The following EPS15L1 variants were observed in gnomAD, a reference collection of about 807,000 sequenced individuals.
EPS15L1 encodes epidermal growth factor receptor substrate 15-like 1.
In EPS15L1, 43 loss-of-function variants were observed where a neutral mutation model predicts 117.1. That is an observed-to-expected ratio of 0.37 (90% confidence interval 0.29 to 0.47). The LOEUF (loss-of-function observed/expected upper bound fraction) is 0.47. Among genes scored for constraint, EPS15L1 ranks in the 20% least tolerant of loss-of-function variants. The pLI is 0.99. For synonymous variants in EPS15L1, 459 were observed against 470.5 expected, an observed-to-expected ratio of 0.98 and a Z score of 0.32; for missense variants, 981 against 1,164.0, an observed-to-expected ratio of 0.84 and a Z score of 2.29.
chr19:16,464,773 T>C (rs1315906800), intron 1 of EPS15L1, among the ~76,000 whole-genome samples: 1 of 82,988 alleles, frequency 1.2e-5, no homozygotes, highest in Non-Finnish European at 2.7e-5. Flanking sequence ...CTAACACTAA[T>C]GATAGCTGAT....
rs912971908 is a variant in EPS15L1, at chr19:16,370,094, G to A, written c.2380+7028C>T. Among the ~76,000 whole-genome samples the A allele has an allele frequency of 2.6e-5, 4 of 152,152 alleles. No homozygotes were observed. The highest frequency in any genetic ancestry group is 7.2e-5 in the African/African-American group (3 of 41,434). Reference sequence around the variant, plus strand: ...CGAGTCTGAAAGCTGGTTAGGGGTCGTGCATGAAAGGACCCAAAAGAGCCC... The same window carrying A: ...CGAGTCTGAAAGCTGGTTAGGGGTCATGCATGAAAGGACCCAAAAGAGCCC... On this transcript the variant is annotated intron_variant, in intron 22 of 23. Transcript: ENST00000455140. The surrounding 1 kb of genome is among the most constrained non-coding windows in gnomAD (Gnocchi z 5.2).
chr19:16,441,165 T>C (rs1043578313), intron 3 of EPS15L1: 4 of 524,134 alleles, frequency 7.6e-6, no homozygotes, highest in Non-Finnish European at 1.4e-5. Flanking sequence ...GACACCCTTC[T>C]TCCCCCAACT....
chr19:16,356,031 C>A (rs1201466482), intron 23 of EPS15L1, among the ~76,000 whole-genome samples, 180 bp from the exon 24 acceptor site: 1 of 152,222 alleles, frequency 6.6e-6, no homozygotes, highest in Non-Finnish European at 1.5e-5. Flanking sequence ...CTGTCTCAGG[C>A]CCCCCATCTG....
intron 10 of EPS15L1, among the ~76,000 whole-genome samples, 191 bp from the exon 11 acceptor site, chr19:16,418,295 G>A (rs763768683): frequency 3.9e-5 from 6 of 152,094 alleles, no homozygotes; most frequent in Non-Finnish European, 5.9e-5. Flanking sequence ...CGCTCCCAGT[G>A]TCCCCCACCC....
rs1055587219 is a variant in EPS15L1 at position 16,415,195 on chromosome 19, C to T, written c.1194-1350G>A. ...TTGCTCCTTTTGCCCTGTGAGGACA[C>T]GGCAAGAAGGTGACTCTCCAGGAAT... is the stretch of plus-strand genomic sequence containing the variant. On this transcript the variant is annotated intron_variant, in intron 12 of 23. Transcript: ENST00000455140. 3.9e-5 allele frequency among the ~76,000 whole-genome samples: 6 copies of T among 152,110 alleles called. No homozygotes were observed. The East Asian group carries it at 5.8e-4, about 15-fold the overall frequency.
At chr19:16,448,967 AAAC>A (rs1349578404) in intron 1 of EPS15L1, among the ~76,000 whole-genome samples, 1 of 152,068 alleles carries the variant, frequency 6.6e-6, no homozygotes, top group Non-Finnish European at 1.5e-5. Context: ...ATAAAAAAGA[AAAC>A]AATCAAATTA....
chr19:16,462,434 G>A (rs2093262125), intron 1 of EPS15L1, among the ~76,000 whole-genome samples: 1 of 152,292 alleles, frequency 6.6e-6, no homozygotes, highest in South Asian at 2.1e-4. Context: ...GCCAAGGTGG[G>A]TGGATCACTA....
chr19:16,448,620 G>A (rs1415891850), intron 1 of EPS15L1, among the ~76,000 whole-genome samples: 3 of 151,930 alleles, frequency 2.0e-5, no homozygotes, highest in African/African-American at 4.8e-5. Context: ...AAGGTAGGCG[G>A]ATCACCTGGG....
rs1444884781 is a variant in EPS15L1, at chr19:16,425,288, TC to T, written c.586del (p.Glu196ArgfsTer72). ...CAGGGCGGAGGGCACGGGCTCCTTCTCCAGGGCTCGGTACACCAAGTGCATG... is the reference window on the plus strand; with the variant it reads ...CAGGGCGGAGGGCACGGGCTCCTTCTCAGGGCTCGGTACACCAAGTGCATG... ...VAMHLVYRAL[E>X]KEPVPSALPP... is the part of the protein sequence containing the mutation. On this transcript the variant is annotated frameshift_variant, in exon 9 of 24. Transcript: ENST00000455140. LOFTEE classifies it high-confidence loss of function. The T allele has an allele frequency of 6.2e-7, 1 of 1,604,448 alleles. No homozygotes were observed. Among genetic ancestry groups the T allele is most frequent in the Non-Finnish European group, 8.5e-7 (1 of 1,175,184 alleles).
chr19:16,434,187 C>G (rs2092956719), intron 7 of EPS15L1, among the ~76,000 whole-genome samples, 178 bp downstream of exon 7: 1 of 152,148 alleles, frequency 6.6e-6, no homozygotes, highest in African/African-American at 2.4e-5. Flanking sequence ...GTAAGCCACA[C>G]CCTAGGAAGC....
At chr19:16,431,164 G>A (rs2092923677) in intron 7 of EPS15L1, among the ~76,000 whole-genome samples, 1 of 151,758 alleles carries the variant, frequency 6.6e-6, no homozygotes. Context: ...GCTCGAACCA[G>A]GGAGGCGGAG....
At chr19:16,447,709 G>A (rs181469714) in intron 1 of EPS15L1, among the ~76,000 whole-genome samples, 48 of 151,202 alleles carry the variant, frequency 3.2e-4, no homozygotes, top group African/African-American at 1.1e-3. Context: ...GCAGTGAGCC[G>A]AGATCATACC....
At chr19:16,366,875 C>T (rs568968913) in intron 22 of EPS15L1, among the ~76,000 whole-genome samples, 1 of 152,270 alleles carries the variant, frequency 6.6e-6, no homozygotes, top group East Asian at 1.9e-4. Flanking sequence ...TTTTTCAAAC[C>T]TTCTAGGTCT....
intron 1 of EPS15L1, among the ~76,000 whole-genome samples, chr19:16,467,868 T>C (rs2093317753): frequency 6.6e-6 from 1 of 152,200 alleles, no homozygotes; most frequent in Non-Finnish European, 1.5e-5. Context: ...CCACCAACTA[T>C]GAGACTTCAG....
chr19:16,439,219 G>A (rs2093006526), intron 4 of EPS15L1, among the ~76,000 whole-genome samples: 1 of 152,102 alleles, frequency 6.6e-6, no homozygotes, highest in Non-Finnish European at 1.5e-5. Context: ...CCCTTGCAGA[G>A]TGTAGAGGAT....
intron 22 of EPS15L1, 56 bp downstream of exon 22, chr19:16,377,066 T>TC (rs1371589193): frequency 2.6e-6 from 4 of 1,541,150 alleles, no homozygotes; most frequent in Non-Finnish European, 3.5e-6. Flanking sequence ...GAGGCCCTGG[T>TC]CCCCCGCCAT....
At chr19:16,362,952 G>T (rs968375646) in intron 22 of EPS15L1, among the ~76,000 whole-genome samples, 1 of 152,188 alleles carries the variant, frequency 6.6e-6, no homozygotes, top group Non-Finnish European at 1.5e-5. Flanking sequence ...TGACAGGGAG[G>T]TGAGAGAGAA....
intron 11 of EPS15L1, 60 bp downstream of exon 11, chr19:16,417,888 C>T: frequency 6.4e-7 from 1 of 1,568,082 alleles, no homozygotes; most frequent in Non-Finnish European, 8.6e-7. Context: ...CCAGTGCCAC[C>T]TGGTGGCAGG....
Position 16,437,849 on chromosome 19 carries a change from A to G in EPS15L1, c.230T>C (p.Leu77Pro). 1 of 1,613,976 alleles carries G rather than the reference A, an allele frequency of 6.2e-7. No homozygotes were observed. Among genetic ancestry groups the G allele is most frequent in the Non-Finnish European group, 8.5e-7 (1 of 1,179,856 alleles). ...FLDKQGFYVA[L>P]RLVACAQSGH... is the part of the protein sequence containing the mutation. ...ACTCTGTGCACAGGCCACCAGTCTC[A>G]GTGCAACATAGAAACCCTGCAAGTC... Residue 77 changes from leucine to proline, a missense_variant, in exon 5 of 24, where the codon CTG (leucine) becomes CCG (proline). Physicochemically the swap from Leu to Pro is moderately conservative, Grantham distance 98 (BLOSUM62 -3). Transcript: ENST00000455140.
Sources: allele counts gnomAD v4.1 joint callset (sites outside exome capture counted in the v4.1 genomes callset), GRCh38; gene constraint gnomAD v4.1.1; non-coding constraint Gnocchi (gnomAD v3.1); transcripts MANE v1.5; gene names NCBI Gene and HGNC (gene_info 2026-07-23, HGNC 2026-07-21).